Variants in DPP6 observed in about 807,000 individuals in gnomAD.
The protein encoded by DPP6 is A-type potassium channel modulatory protein DPP6.
In DPP6, 69 loss-of-function variants were observed where a neutral mutation model predicts 122.6. The ratio of observed to expected loss-of-function variants is 0.56; its 90% CI spans 0.46 to 0.69. The LOEUF (loss-of-function observed/expected upper bound fraction) is 0.69, where lower values mean the gene tolerates loss of function less well. Ranked by LOEUF, DPP6 falls within the 30% of genes least tolerant of loss-of-function variation. The probability of loss-of-function intolerance (pLI) is 0.00; values close to 1 mark genes in which losing one functional copy is unlikely to be tolerated. For synonymous variants in DPP6, 418 were observed against 433.1 expected, an observed-to-expected ratio of 0.97 and a Z score of 0.43; for missense variants, 928 against 1,116.9, an observed-to-expected ratio of 0.83 and a Z score of 2.41.
At chr7:154,788,989 G>A (rs187591689) in intron 10 of DPP6, among the ~76,000 whole-genome samples, 53 of 152,188 alleles carry the variant, frequency 3.5e-4, no homozygotes, top group Admixed American at 1.5e-3. Context: ...TGGACTTTTA[G>A]AATTCTGTTC....
intron 2 of DPP6, among the ~76,000 whole-genome samples, chr7:154,449,849 T>TA (rs200286788): frequency 0.019 from 2,776 of 149,548 alleles, 37 homozygotes; most frequent in Non-Finnish European, 0.023. Context: ...CTACTAAAAA[T>TA]AAAAAAAAAC....
intron 1 of DPP6, among the ~76,000 whole-genome samples, chr7:153,923,877 G>C (rs1341263214): frequency 1.3e-5 from 2 of 151,930 alleles, no homozygotes; most frequent in African/African-American, 4.8e-5. Flanking sequence ...GTCATCGGTG[G>C]ATCCCTTTAA....
At chr7:154,530,601 G>T (rs1366642762) in intron 3 of DPP6, among the ~76,000 whole-genome samples, 2 of 152,132 alleles carry the variant, frequency 1.3e-5, no homozygotes, top group African/African-American at 2.4e-5. Flanking sequence ...TCAAGATCTA[G>T]AAGCAGAAAT....
intron 1 of DPP6, among the ~76,000 whole-genome samples, chr7:154,111,732 G>A (rs926980506): frequency 6.6e-5 from 10 of 151,914 alleles, no homozygotes; most frequent in African/African-American, 2.4e-4. Flanking sequence ...TCTTCAGACT[G>A]AAACCTGAAA....
At chr7:154,294,740 C>T (rs1444975664) in intron 1 of DPP6, among the ~76,000 whole-genome samples, 1 of 152,022 alleles carries the variant, frequency 6.6e-6, no homozygotes, top group Non-Finnish European at 1.5e-5. Context: ...GGGACAACTC[C>T]AGAGGGTTTC....
Position 153,932,814 on chromosome 7 carries a change from G to A in DPP6, c.51+45080G>A, listed in dbSNP as rs1271541349. On this transcript the variant is annotated intron_variant, in intron 1 of 25. Transcript: ENST00000404039. ...TTCCACCTCCTGATGATCTTAACCC[G>A]TGTCATATAGTTTGGCTGTGTCCCC... is the stretch of plus-strand genomic sequence containing the variant. Among the ~76,000 whole-genome samples the A allele has an allele frequency of 3.9e-5, 6 of 152,060 alleles. No individual in the cohort carries two copies. The East Asian group carries it at 7.7e-4, about 20-fold the overall frequency.
intron 16 of DPP6, among the ~76,000 whole-genome samples, chr7:154,852,352 A>G (rs1802465911): frequency 6.6e-6 from 1 of 152,170 alleles, no homozygotes; most frequent in Non-Finnish European, 1.5e-5. Flanking sequence ...GAGCGCAAGC[A>G]GCAGCCCTGG....
intron 1 of DPP6, among the ~76,000 whole-genome samples, chr7:154,137,110 A>C (rs1442905179): frequency 2.0e-5 from 3 of 152,138 alleles, no homozygotes; most frequent in African/African-American, 4.8e-5. Context: ...TAATCCCAGA[A>C]ATTTTTTATT....
the DPP6 span, among the ~76,000 whole-genome samples, chr7:153,857,364 A>T: frequency 2.5e-5 from 1 of 39,894 alleles, no homozygotes; most frequent in East Asian, 5.6e-4. Flanking sequence ...CTCTCTCAGC[A>T]TGTGTATATA....
At position 154,318,798 on chromosome 7, in the gene DPP6, A is replaced by AC. The variant is rs200082260; in HGVS notation, c.244-127408dup. Among the ~76,000 whole-genome samples, 189 of 148,944 alleles carry AC rather than the reference A, an allele frequency of 1.3e-3. 3 individuals carry two copies. The East Asian group carries it at 0.029, about 22-fold the overall frequency. On this transcript the variant is annotated intron_variant, in intron 1 of 25. Coordinates refer to ENST00000377770, the MANE Select transcript of DPP6 (RefSeq NM_130797.4). The stretch of plus-strand genomic sequence containing the variant: ...TTCCCACCTTCCCACACTATACCCC[A>AC]CCCCCCCCAAGCCATGGCATGAGCT...
intron 6 of DPP6, among the ~76,000 whole-genome samples, chr7:154,646,579 G>A (rs117274660): frequency 0.01 from 1,593 of 152,268 alleles, 71 homozygotes; most frequent in Admixed American, 0.087. Context: ...AGAATTTATC[G>A]TTTTGTTAGA....
intron 20 of DPP6, among the ~76,000 whole-genome samples, chr7:154,879,983 G>A (rs1342228158): frequency 6.6e-6 from 1 of 152,214 alleles, no homozygotes; most frequent in Non-Finnish European, 1.5e-5. Flanking sequence ...GACAGTGACA[G>A]TGTCTCGACC....
At chr7:153,947,667 G>T (rs1028687655) in intron 1 of DPP6, among the ~76,000 whole-genome samples, 1 of 152,142 alleles carries the variant, frequency 6.6e-6, no homozygotes, top group Non-Finnish European at 1.5e-5. Context: ...GGATGAGGAC[G>T]CAGAGGTCAT....
At chr7:154,341,517 A>T (rs1462365121) in intron 1 of DPP6, among the ~76,000 whole-genome samples, 2 of 152,014 alleles carry the variant, frequency 1.3e-5, no homozygotes, top group African/African-American at 4.8e-5. Context: ...GTCGGGCTTT[A>T]CTTCTTGACT....
chr7:154,245,654 C>T (rs1230515317), intron 1 of DPP6, among the ~76,000 whole-genome samples: 1 of 109,608 alleles, frequency 9.1e-6, no homozygotes, highest in African/African-American at 3.4e-5. Context: ...AAAAAAAAAG[C>T]TATGGCTATG....
At chr7:154,440,893 G>A (rs1023916454) in intron 1 of DPP6, among the ~76,000 whole-genome samples, 7 of 152,116 alleles carry the variant, frequency 4.6e-5, no homozygotes, top group East Asian at 3.9e-4. Flanking sequence ...TGCTGCCCCC[G>A]ATTGCTCCAG....
At position 154,880,820 on chromosome 7, in the gene DPP6, GGGC is replaced by G. The variant is rs1805328033; in HGVS notation, c.2079-67_2079-65del. 3.5e-5 allele frequency: 57 copies of G among 1,613,550 alleles called. 1 individual carries two copies. The South Asian group carries it at 6.0e-4, about 17-fold the overall frequency. On this transcript the variant is annotated intron_variant, in intron 20 of 25. Coordinates refer to ENST00000377770, the MANE Select transcript of DPP6 (RefSeq NM_130797.4). Reference sequence around the variant, plus strand: ...TGAAATGGATGGAAAACATGGCTCTGGGCTACAGGAAGACAAAGTGGCAGCAGG... The same window carrying G: ...TGAAATGGATGGAAAACATGGCTCTGTACAGGAAGACAAAGTGGCAGCAGG...
intron 10 of DPP6, chr7:154,793,511 G>C (rs2150427703): frequency 6.6e-6 from 1 of 152,354 alleles, no homozygotes; most frequent in East Asian, 1.9e-4. Context: ...CTGAAGCCCA[G>C]AGCCATGAAC....
chr7:154,367,388 T>C (rs1242312757), intron 1 of DPP6, among the ~76,000 whole-genome samples: 2 of 152,240 alleles, frequency 1.3e-5, no homozygotes, highest in Admixed American at 1.3e-4. Context: ...TTGAACTTTT[T>C]TTTAAATTTT....
Sources: allele counts gnomAD v4.1 joint callset (sites outside exome capture counted in the v4.1 genomes callset), GRCh38; gene constraint gnomAD v4.1.1; transcripts MANE v1.5; gene names NCBI Gene and HGNC (gene_info 2026-07-23, HGNC 2026-07-21).